The following GALNT18 variants were observed in gnomAD, a reference collection of about 807,000 sequenced individuals.
GALNT18 encodes polypeptide N-acetylgalactosaminyltransferase 18.
Under a neutral mutation model 69.5 loss-of-function variants are expected in GALNT18, and 44 were observed. The observed-to-expected ratio is 0.63, with a 90% confidence interval of 0.50 to 0.81. The LOEUF (loss-of-function observed/expected upper bound fraction) is 0.81, where lower values mean the gene tolerates loss of function less well. Among genes scored for constraint, GALNT18 ranks in the 40% least tolerant of loss-of-function variants. The probability of loss-of-function intolerance (pLI) is 0.00; values close to 1 mark genes in which losing one functional copy is unlikely to be tolerated. For synonymous variants in GALNT18, 364 were observed against 318.2 expected (o/e 1.14, Z -1.53); for missense variants, 715 against 810.0 (o/e 0.88, Z 1.42).
chr11:11,365,805 C>G (rs1424997999), intron 6 of GALNT18, among the ~76,000 whole-genome samples: 2 of 152,150 alleles, frequency 1.3e-5, no homozygotes, highest in Non-Finnish European at 2.9e-5. Flanking sequence ...TAGTATATTA[C>G]TTGTTTTAGA....
chr11:11,545,983 A>T (rs1250427025), intron 1 of GALNT18, among the ~76,000 whole-genome samples: 1 of 152,124 alleles, frequency 6.6e-6, no homozygotes, highest in Non-Finnish European at 1.5e-5. Context: ...AACAGAGCTA[A>T]CTTCTCCAGG....
intron 6 of GALNT18, among the ~76,000 whole-genome samples, chr11:11,359,722 AT>A (rs774593716): frequency 5.7e-4 from 87 of 152,324 alleles, no homozygotes; most frequent in South Asian, 1.2e-3. Flanking sequence ...TTCCAAAGCA[AT>A]GCTGGCTGGA....
intron 3 of GALNT18, among the ~76,000 whole-genome samples, chr11:11,385,216 G>A (rs1198441446): frequency 6.6e-6 from 1 of 152,050 alleles, no homozygotes; most frequent in Non-Finnish European, 1.5e-5. Flanking sequence ...ACCCCAGGGA[G>A]GGCATTAATC....
At chr11:11,400,915 T>A (rs990638197) in intron 3 of GALNT18, among the ~76,000 whole-genome samples, 3 of 152,028 alleles carry the variant, frequency 2.0e-5, no homozygotes, top group Non-Finnish European at 4.4e-5. Flanking sequence ...ATCCAAAGAG[T>A]GTTAAATTTT....
rs552023931 is a variant in GALNT18 at position 11,314,694 on chromosome 11, A to C, written c.1512+12392T>G. The stretch of plus-strand genomic sequence containing the variant: ...CTGGGTGGCCTGAGAATCAGGGATA[A>C]CTGCAGGCAGGTTCCAGGGGGCAGC... On this transcript the variant is annotated intron_variant, in intron 9 of 10. Coordinates refer to ENST00000227756, the MANE Select transcript of GALNT18 (RefSeq NM_198516.3). This position sits in a 1 kb window ranked among gnomAD's most constrained non-coding sequence, Gnocchi z 5.2. Among the ~76,000 whole-genome samples, 397 of 152,324 alleles carry C rather than the reference A, an allele frequency of 2.6e-3. No individual in the cohort carries two copies. Among genetic ancestry groups the C allele is most frequent in the African/African-American group, 9.0e-3 (373 of 41,574 alleles).
At chr11:11,472,921 G>T (rs11021871) in intron 1 of GALNT18, among the ~76,000 whole-genome samples, 28,719 of 152,054 alleles carry the variant, frequency 0.19, 3,106 homozygotes, top group Admixed American at 0.35. Context: ...GAGCTGAGAA[G>T]GTTGAGGTTG....
In GALNT18 at chr11:11,595,457, G is replaced by A. The variant is rs563682332; in HGVS notation, c.235+25902C>T. ...TCCAAAACTGTGAGAAATTTCTGTC[G>A]TTTAAAAGCTACCCAGTTTTGTTTA... On this transcript the variant is annotated intron_variant, in intron 1 of 10. Coordinates refer to ENST00000227756, the MANE Select transcript of GALNT18 (RefSeq NM_198516.3). The surrounding 1 kb of genome is among the most constrained non-coding windows in gnomAD (Gnocchi z 5.2). Among the ~76,000 whole-genome samples the A allele has an allele frequency of 2.0e-5, 3 of 152,106 alleles. No individual in the cohort carries two copies. Among genetic ancestry groups the A allele is most frequent in the East Asian group, 1.9e-4 (1 of 5,182 alleles).
At chr11:11,364,667 A>G (rs77379042) in intron 6 of GALNT18, among the ~76,000 whole-genome samples, 8,711 of 152,320 alleles carry the variant, frequency 0.057, 337 homozygotes, top group Non-Finnish European at 0.086. Flanking sequence ...ACAAAAACTT[A>G]TGAGAGAATT....
rs558702139 is a variant in GALNT18 at position 11,436,851 on chromosome 11, G to A, written c.429-4064C>T. ...AAAAGAACACGCCTCCAAGAGCTGC[G>A]TGGGAGAGGACTGCTCTGGACCCAA... On this transcript the variant is annotated intron_variant, in intron 2 of 10. Coordinates refer to ENST00000227756, the MANE Select transcript of GALNT18 (RefSeq NM_198516.3). The surrounding 1 kb of genome is among the most constrained non-coding windows in gnomAD (Gnocchi z 4.5). 9.8e-5 allele frequency among the ~76,000 whole-genome samples: 15 copies of A among 152,298 alleles called. No individual in the cohort carries two copies. The highest frequency in any genetic ancestry group is 2.2e-4 in the African/African-American group (9 of 41,578).
intron 3 of GALNT18, among the ~76,000 whole-genome samples, chr11:11,411,427 T>G (rs1184785045): frequency 2.6e-5 from 4 of 152,220 alleles, no homozygotes; most frequent in Non-Finnish European, 5.9e-5. Context: ...AGACATGTTC[T>G]CCTGCTTCTT....
In GALNT18 at chr11:11,315,545, C is replaced by T. The variant is rs574571896; in HGVS notation, c.1512+11541G>A. ...GCAGGTTTTCAGCCCAACTCTTAGC[C>T]TCCGATGTCCCCTTTCTTCACCCGT... On this transcript the variant is annotated intron_variant, in intron 9 of 10. Coordinates refer to ENST00000227756, the MANE Select transcript of GALNT18 (RefSeq NM_198516.3). The surrounding 1 kb of genome is among the most constrained non-coding windows in gnomAD (Gnocchi z 5.6). 2.0e-5 allele frequency among the ~76,000 whole-genome samples: 3 copies of T among 152,208 alleles called. No individual in the cohort carries two copies. The highest frequency in any genetic ancestry group is 4.4e-5 in the Non-Finnish European group (3 of 68,028).
chr11:11,570,004 T>G (rs928233061), intron 1 of GALNT18: 1 of 152,162 alleles, frequency 6.6e-6, no homozygotes, highest in Non-Finnish European at 1.5e-5. Flanking sequence ...GGACTTTTCC[T>G]GGCTGGGAAA....
intron 1 of GALNT18, among the ~76,000 whole-genome samples, chr11:11,553,933 G>A (rs1038043190): frequency 3.3e-5 from 5 of 152,186 alleles, no homozygotes; most frequent in Admixed American, 2.0e-4. Context: ...CAGAGGACAC[G>A]AGCGGCTCGG....
chr11:11,332,741 C>T lies in GALNT18; in HGVS notation c.1369G>A (p.Val457Met), dbSNP rs771202198. 8.1e-6 allele frequency: 13 copies of T among 1,613,970 alleles called. No individual in the cohort carries two copies. The highest frequency in any genetic ancestry group is 2.2e-5 in the East Asian group (1 of 44,890). The change falls in exon 8 of 11, where the codon GTG becomes ATG. Residue 457 changes from valine (V) to methionine (M), a missense_variant. By Grantham distance (21) the Val-to-Met change is conservative (BLOSUM62 1). Coordinates refer to ENST00000227756, the MANE Select transcript of GALNT18 (RefSeq NM_198516.3). This position sits in a 1 kb window ranked among gnomAD's most constrained non-coding sequence, Gnocchi z 4.3. Reference sequence around the variant, plus strand: ...GAGTACATCCTCATCTCTGGGTACACGCTGACCAGGTACCACCGGAAGGTC... The same window carrying T: ...GAGTACATCCTCATCTCTGGGTACATGCTGACCAGGTACCACCGGAAGGTC... ...CKTFRWYLVS[V>M]YPEMRMYSDI...
At chr11:11,578,847 T>C (rs12292368) in intron 1 of GALNT18, among the ~76,000 whole-genome samples, 7,623 of 152,294 alleles carry the variant, frequency 0.05, 629 homozygotes, top group African/African-American at 0.17. Flanking sequence ...AGCTCTTTCC[T>C]AAAAACCACC....
intron 10 of GALNT18, among the ~76,000 whole-genome samples, chr11:11,284,930 T>TTTTTA (rs1554909662): frequency 4.1e-4 from 55 of 134,706 alleles, no homozygotes; most frequent in African/African-American, 1.2e-3. Flanking sequence ...TTTTTTTTTT[T>TTTTTA]AACTACTTGG....
chr11:11,468,581 G>C (rs1255751727), intron 1 of GALNT18, among the ~76,000 whole-genome samples: 1 of 152,030 alleles, frequency 6.6e-6, no homozygotes. Flanking sequence ...TCTAAGGGCA[G>C]GTGAGGCTGG....
At position 11,435,652 on chromosome 11, in the gene GALNT18, A is replaced by G. The variant is rs1284528028; in HGVS notation, c.429-2865T>C. Among the ~76,000 whole-genome samples, 1 of 152,090 alleles carries G rather than the reference A, an allele frequency of 6.6e-6. No homozygotes were observed. Among genetic ancestry groups the G allele is most frequent in the African/African-American group, 2.4e-5 (1 of 41,400 alleles). ...CAGTCTGGCACTTAGTAGGCACTCC[A>G]TGAATGTTTTTGGAATGAAACGAAC... On this transcript the variant is annotated intron_variant, in intron 2 of 10. Transcript: ENST00000227756. This position sits in a 1 kb window ranked among gnomAD's most constrained non-coding sequence, Gnocchi z 4.4.
intron 2 of GALNT18, among the ~76,000 whole-genome samples, chr11:11,443,918 G>T (rs1376601955): frequency 2.0e-5 from 3 of 152,198 alleles, no homozygotes; most frequent in Non-Finnish European, 2.9e-5. Flanking sequence ...TGAGGAAGTT[G>T]GTCCCCTCTT....
Sources: gnomAD v4.1 joint callset for allele counts (sites outside exome capture counted in the v4.1 genomes callset) on GRCh38, gnomAD v4.1.1 for gene constraint, Gnocchi (gnomAD v3.1) non-coding constraint, MANE v1.5 for transcripts, NCBI Gene and HGNC (gene_info 2026-07-23, HGNC 2026-07-21) for gene names.